GPHN: variants seen among roughly 807,000 people sequenced by gnomAD.
The protein encoded by GPHN is gephyrin.
Under a neutral mutation model 95.5 loss-of-function variants are expected in GPHN, and 17 were observed. That is an observed-to-expected ratio of 0.18 (90% CI 0.12 to 0.27). GPHN has a LOEUF of 0.27. Ranked by LOEUF, GPHN falls within the 10% of genes least tolerant of loss-of-function variation. The pLI is 1.00. For missense variants in GPHN, 660 were observed against 978.1 expected, an observed-to-expected ratio of 0.67 and a Z score of 4.34; for synonymous variants, 320 against 322.5, an observed-to-expected ratio of 0.99 and a Z score of 0.08.
intron 2 of GPHN, among the ~76,000 whole-genome samples, chr14:66,720,767 A>G (rs896765826): frequency 2.0e-5 from 3 of 152,160 alleles, no homozygotes; most frequent in East Asian, 1.9e-4. Flanking sequence ...TTGGAGTCCA[A>G]CGCAAGTGGA....
intron 2 of GPHN, among the ~76,000 whole-genome samples, chr14:66,758,584 G>GA (rs2058653145): frequency 1.3e-5 from 2 of 151,860 alleles, no homozygotes. Flanking sequence ...GTATCAAAAT[G>GA]AAAAAAGGGG....
intron 22 of GPHN, 31 bp downstream of exon 22, chr14:67,179,705 G>A: frequency 1.9e-6 from 2 of 1,067,274 alleles, no homozygotes; most frequent in Non-Finnish European, 2.9e-6. Context: ...GATATTCCTA[G>A]ACACCTATCC....
chr14:67,113,311 A>G, intron 16 of GPHN, 140 bp downstream of exon 16: 2 of 822,254 alleles, frequency 2.4e-6, no homozygotes, highest in South Asian at 1.5e-5. Context: ...CAGGGAAACA[A>G]TAAATTGGCT....
intron 4 of GPHN, among the ~76,000 whole-genome samples, chr14:66,824,853 A>C (rs2061335754): frequency 6.6e-6 from 1 of 152,154 alleles, no homozygotes; most frequent in South Asian, 2.1e-4. Context: ...TTTCCAAAGG[A>C]AGTGATAGCA....
intron 2 of GPHN, among the ~76,000 whole-genome samples, chr14:66,755,623 A>G (rs1194132481): frequency 6.6e-6 from 1 of 152,090 alleles, no homozygotes; most frequent in Non-Finnish European, 1.5e-5. Context: ...CTCAGTGTGT[A>G]GCTAGAATTA....
At chr14:67,388,379 G>T in the GPHN span, 1 of 865,232 alleles carries the variant, frequency 1.2e-6, no homozygotes, top group Non-Finnish European at 2.0e-6. Context: ...TACAACTCAG[G>T]CCAGCTAAAG....
intron 17 of GPHN, among the ~76,000 whole-genome samples, chr14:67,126,403 T>C (rs1456218791): frequency 6.6e-6 from 1 of 152,206 alleles, no homozygotes. Flanking sequence ...AGACAGAGTT[T>C]TATAAACCTC....
At chr14:67,640,239 T>C in the GPHN span, among the ~76,000 whole-genome samples, 1 of 152,232 alleles carries the variant, frequency 6.6e-6, no homozygotes, top group African/African-American at 2.4e-5. Flanking sequence ...TTTATCTGGT[T>C]GTCTGGATCT....
At chr14:67,575,436 G>A in the GPHN span, 1 of 1,609,886 alleles carries the variant, frequency 6.2e-7, no homozygotes, top group East Asian at 2.2e-5. Flanking sequence ...CTCTTGTTGG[G>A]AAAATCTTCT....
the GPHN span, chr14:67,652,701 T>C: frequency 6.6e-6 from 1 of 152,140 alleles, no homozygotes; most frequent in Non-Finnish European, 1.5e-5. Context: ...ATATAGAACT[T>C]CCAGAAAAGG....
At chr14:67,219,899 C>A in the GPHN span, among the ~76,000 whole-genome samples, 1 of 152,058 alleles carries the variant, frequency 6.6e-6, no homozygotes, top group South Asian at 2.1e-4. Flanking sequence ...GCATGGATTT[C>A]TTTTTATTGC....
At chr14:66,934,257 A>G (rs1295475652) in intron 8 of GPHN, among the ~76,000 whole-genome samples, 1 of 152,188 alleles carries the variant, frequency 6.6e-6, no homozygotes, top group African/African-American at 2.4e-5. Flanking sequence ...AACTTGGTCA[A>G]TGTACTGACT....
the GPHN span, chr14:67,695,547 A>G: frequency 2.1e-6 from 3 of 1,418,352 alleles, no homozygotes; most frequent in Non-Finnish European, 2.9e-6. Context: ...GGAGTTTTCC[A>G]AGAAAGCTTT....
At chr14:67,339,378 T>C in the GPHN span, among the ~76,000 whole-genome samples, 4 of 152,170 alleles carry the variant, frequency 2.6e-5, no homozygotes, top group African/African-American at 7.2e-5. Flanking sequence ...TTTTAAAATT[T>C]TGGCTCAACA....
chr14:67,410,745 C>G, the GPHN span, among the ~76,000 whole-genome samples: 1 of 152,180 alleles, frequency 6.6e-6, no homozygotes, highest in African/African-American at 2.4e-5. Context: ...TCTTCATTCC[C>G]CTCCCAAAGC....
the GPHN span, among the ~76,000 whole-genome samples, chr14:67,687,243 CTTTAAT>C: frequency 2.0e-5 from 3 of 152,158 alleles, no homozygotes; most frequent in Admixed American, 1.3e-4. Flanking sequence ...TTTGAAAAGG[CTTTAAT>C]TTTAACCGTT....
intron 9 of GPHN, among the ~76,000 whole-genome samples, chr14:66,993,774 G>A (rs975138698): frequency 6.6e-6 from 1 of 152,148 alleles, no homozygotes; most frequent in Non-Finnish European, 1.5e-5. Flanking sequence ...AAATTTGAGT[G>A]TCTCTTGATT....
chr14:67,392,586 G>T, the GPHN span: 1 of 1,373,860 alleles, frequency 7.3e-7, no homozygotes, highest in Non-Finnish European at 1.0e-6. Context: ...CATGACTGTG[G>T]CCCCCAGGCC....
At chr14:67,288,537 A>G in the GPHN span, among the ~76,000 whole-genome samples, 2 of 152,198 alleles carry the variant, frequency 1.3e-5, no homozygotes, top group African/African-American at 4.8e-5. Context: ...ACAGTAATTT[A>G]ATTGTCTACT....
Sources: allele counts gnomAD v4.1 joint callset (sites outside exome capture counted in the v4.1 genomes callset), GRCh38; gene constraint gnomAD v4.1.1; transcripts MANE v1.5; gene names NCBI Gene and HGNC (gene_info 2026-07-23, HGNC 2026-07-21).